ADTRP: variants seen among roughly 807,000 people sequenced by gnomAD.
ADTRP encodes the protein androgen-dependent TFPI-regulating protein.
Under a neutral mutation model 27.0 loss-of-function variants are expected in ADTRP, and 20 were observed. The ratio of observed to expected loss-of-function variants is 0.74; its 90% CI spans 0.52 to 1.08. The LOEUF (loss-of-function observed/expected upper bound fraction) is 1.08, where lower values mean the gene tolerates loss of function less well. ADTRP is among the 50% of genes least tolerant of loss of function. The pLI is 0.00. For synonymous variants in ADTRP, 101 were observed against 105.2 expected (o/e 0.96, Z 0.25); for missense variants, 251 against 275.0 (o/e 0.91, Z 0.62).
At chr6:11,745,784 A>AT (rs1261195270) in intron 3 of ADTRP, among the ~76,000 whole-genome samples, 9 of 150,390 alleles carry the variant, frequency 6.0e-5, no homozygotes, top group Non-Finnish European at 8.9e-5. Flanking sequence ...AATTATGAAC[A>AT]TTTTTTTTCT....
At chr6:11,770,070 A>C (rs1475856316) in intron 1 of ADTRP, 1 of 1,551,548 alleles carries the variant, frequency 6.4e-7, no homozygotes, top group Admixed American at 2.0e-5. Context: ...CAAACCCAGC[A>C]GTCCTGTTCT....
intron 3 of ADTRP, among the ~76,000 whole-genome samples, chr6:11,754,632 T>C (rs1009670028): frequency 6.6e-6 from 1 of 152,150 alleles, no homozygotes; most frequent in Non-Finnish European, 1.5e-5. Flanking sequence ...GACAGAGGAA[T>C]TGGACAAATT....
At chr6:11,750,494 C>T (rs969281626) in intron 3 of ADTRP, among the ~76,000 whole-genome samples, 8 of 152,234 alleles carry the variant, frequency 5.3e-5, no homozygotes, top group African/African-American at 1.9e-4. Context: ...CAAATACAAA[C>T]TCATCCTTAA....
intron 3 of ADTRP, among the ~76,000 whole-genome samples, chr6:11,739,132 A>C (rs1014037751): frequency 5.3e-5 from 8 of 152,242 alleles, no homozygotes; most frequent in Admixed American, 5.2e-4. Context: ...CGATTGACAC[A>C]AATTAGAATG....
At chr6:11,727,971 GAGGTAGGT>G (rs1393819476) in intron 4 of ADTRP, among the ~76,000 whole-genome samples, 1 of 119,990 alleles carries the variant, frequency 8.3e-6, no homozygotes. Flanking sequence ...GGGAGGGAGG[GAGGTAGGT>G]AGGGAGGGAG....
At position 11,756,530 on chromosome 6, in the gene ADTRP, T is replaced by G. The variant is rs572192759; in HGVS notation, c.390+9744A>C. On this transcript the variant is annotated intron_variant, in intron 3 of 5. Transcript: ENST00000414691. ...AACTGGGCAAAGAGTACACAAGACC[T>G]CTATGATTTCTTACACTTACATGTA... Among the ~76,000 whole-genome samples the G allele has an allele frequency of 5.9e-5, 9 of 152,214 alleles. No homozygotes were observed. The South Asian group carries it at 1.7e-3, about 28-fold the overall frequency.
intron 4 of ADTRP, among the ~76,000 whole-genome samples, chr6:11,734,602 G>T (rs1581326273): frequency 6.6e-6 from 1 of 152,164 alleles, no homozygotes; most frequent in South Asian, 2.1e-4. Flanking sequence ...GGGCTAGGGA[G>T]AAAACAGCAG....
At chr6:11,747,611 A>G (rs1437935251) in intron 3 of ADTRP, among the ~76,000 whole-genome samples, 1 of 152,198 alleles carries the variant, frequency 6.6e-6, no homozygotes, top group Non-Finnish European at 1.5e-5. Context: ...TTCTGTTTCT[A>G]TTTGTGGAAT....
At chr6:11,746,060 G>A (rs1212711241) in intron 3 of ADTRP, among the ~76,000 whole-genome samples, 3 of 152,134 alleles carry the variant, frequency 2.0e-5, no homozygotes, top group Non-Finnish European at 2.9e-5. Flanking sequence ...GAAAGTGCTG[G>A]GATTTAGGCA....
intron 1 of ADTRP, among the ~76,000 whole-genome samples, chr6:11,777,481 TG>T (rs1395808199): frequency 1.7e-5 from 1 of 58,660 alleles, no homozygotes; most frequent in African/African-American, 4.9e-5. Flanking sequence ...TGTGTGTGTG[TG>T]GTTTTTTGTT....
chr6:11,737,282 C>G (rs1356104406), intron 3 of ADTRP, among the ~76,000 whole-genome samples: 1 of 152,136 alleles, frequency 6.6e-6, no homozygotes, highest in Non-Finnish European at 1.5e-5. Flanking sequence ...TTCCTCAGCT[C>G]GTGGCTGCCT....
chr6:11,714,342 AAATTT>A lies in ADTRP; in HGVS notation c.*131_*135del, dbSNP rs1302163343. 7.0e-6 allele frequency: 7 copies of A among 1,006,052 alleles called. No individual in the cohort carries two copies. In the African/African-American group the frequency reaches 8.3e-5, roughly 12 times the overall value. The allele number at this position is 1,006,052 out of a possible 1,614,324, so 62.3% of individuals were successfully genotyped here. A position where few individuals can be genotyped will look rare whatever the true frequency, so the allele number is the denominator to read the frequency against. ...AAGCTACCTTCACGAACCTCTTATTAAATTTAAGTATCACTCTCTGTCCCTCCTAC... is the reference window on the plus strand; with the variant it reads ...AAGCTACCTTCACGAACCTCTTATTAAAGTATCACTCTCTGTCCCTCCTAC... On this transcript the variant is annotated 3_prime_UTR_variant, in exon 6 of 6. Coordinates refer to ENST00000414691, the MANE Select transcript of ADTRP (RefSeq NM_032744.4).
chr6:11,760,077 A>G (rs1763349032), intron 3 of ADTRP, among the ~76,000 whole-genome samples: 1 of 152,240 alleles, frequency 6.6e-6, no homozygotes, highest in Non-Finnish European at 1.5e-5. Flanking sequence ...CCAAACGTTA[A>G]GATAACACAT....
At chr6:11,750,614 G>C (rs946085261) in intron 3 of ADTRP, among the ~76,000 whole-genome samples, 14 of 152,282 alleles carry the variant, frequency 9.2e-5, no homozygotes, top group African/African-American at 3.4e-4. Context: ...CTCTCCTCCA[G>C]GAGAGGATCA....
At chr6:11,755,131 G>A (rs1453712017) in intron 3 of ADTRP, 6 of 952,438 alleles carry the variant, frequency 6.3e-6, no homozygotes, top group Non-Finnish European at 7.5e-6. Context: ...ACAGGAGAGG[G>A]ACTCACCAGC....
chr6:11,735,990 G>T (rs1581328437), intron 3 of ADTRP: 5 of 246,200 alleles, frequency 2.0e-5, no homozygotes, highest in Non-Finnish European at 8.0e-6. Flanking sequence ...ATGCAGTCTT[G>T]CTCTGTCACT....
At chr6:11,764,894 TAA>T (rs34204085) in intron 3 of ADTRP, among the ~76,000 whole-genome samples, 1,764 of 122,288 alleles carry the variant, frequency 0.014, 24 homozygotes, top group Non-Finnish European at 0.021. Flanking sequence ...TACCATTTCT[TAA>T]AAAAAAAAAA....
chr6:11,758,653 G>A (rs1763302497), intron 3 of ADTRP, among the ~76,000 whole-genome samples: 1 of 149,514 alleles, frequency 6.7e-6, no homozygotes, highest in Non-Finnish European at 1.5e-5. Flanking sequence ...CACCAACATG[G>A]CACATGTATA....
In ADTRP at chr6:11,745,507, G is replaced by A. The variant is rs140269050; in HGVS notation, c.391-9824C>T. On this transcript the variant is annotated intron_variant, in intron 3 of 5. Transcript: ENST00000414691. Reference sequence around the variant, plus strand: ...AGAGGAGGCTCTGAAAGTGTTAGACGACAGTAGGCAGCACCACATCAAGCC... The same window carrying A: ...AGAGGAGGCTCTGAAAGTGTTAGACAACAGTAGGCAGCACCACATCAAGCC... Among the ~76,000 whole-genome samples the A allele has an allele frequency of 3.5e-3, 528 of 152,238 alleles. 5 individuals carry two copies. The highest frequency in any genetic ancestry group is 0.012 in the African/African-American group (490 of 41,530).
Sources: allele counts gnomAD v4.1 joint callset (sites outside exome capture counted in the v4.1 genomes callset), GRCh38; gene constraint gnomAD v4.1.1; transcripts MANE v1.5; gene names NCBI Gene and HGNC (gene_info 2026-07-23, HGNC 2026-07-21).